Variants in RSF1 observed in about 807,000 individuals in gnomAD.
RSF1 encodes the protein remodeling and spacing factor 1.
A neutral mutation model predicts 145.2 loss-of-function variants in RSF1; 13 were observed. That is an observed-to-expected ratio of 0.09 (90% CI 0.06 to 0.14). RSF1 has a LOEUF of 0.14. RSF1 is among the 10% of genes least tolerant of loss of function. The pLI is 1.00. For missense variants in RSF1, 1,517 were observed against 1,718.2 expected, an observed-to-expected ratio of 0.88 and a Z score of 2.07; for synonymous variants, 577 against 592.6, an observed-to-expected ratio of 0.97 and a Z score of 0.38.
Position 77,667,341 on chromosome 11 carries a change from T to C in RSF1, c.3902A>G (p.His1301Arg). Residue 1301 changes from histidine (H) to arginine (R), a missense_variant, in exon 16 of 16, where the codon CAC (histidine) becomes CGC (arginine). Physicochemically the swap from His to Arg is conservative, Grantham distance 29 (BLOSUM62 0). This residue lies in a region of RSF1 where 240 missense variants were observed against 231.8 expected (regional missense o/e 1.04). Coordinates refer to ENST00000308488, the MANE Select transcript of RSF1 (RefSeq NM_016578.4). ...EEGKPSRKRL[H>R]RIETDEEESC... is the part of the protein sequence containing the mutation. ...CTCCTCCTCATCCGTCTCAATCCGGTGTAGCCGTTTGCGGGATGGTTTGCC... is the reference window on the plus strand; with the variant it reads ...CTCCTCCTCATCCGTCTCAATCCGGCGTAGCCGTTTGCGGGATGGTTTGCC... 1.2e-6 allele frequency: 2 copies of C among 1,614,014 alleles called. No individual in the cohort carries two copies. The highest frequency in any genetic ancestry group is 2.2e-5 in the East Asian group (1 of 44,876).
chr11:77,760,745 T>C (rs1948162533), intron 2 of RSF1, among the ~76,000 whole-genome samples: 1 of 152,166 alleles, frequency 6.6e-6, no homozygotes, highest in African/African-American at 2.4e-5. Flanking sequence ...ACAATGGGCC[T>C]TTCTGAAATT....
chr11:77,679,714 G>A (rs746026249), intron 11 of RSF1, among the ~76,000 whole-genome samples: 2 of 151,402 alleles, frequency 1.3e-5, no homozygotes, highest in Non-Finnish European at 2.9e-5. Context: ...CAATAATAGG[G>A]CTATATTATT....
At chr11:77,830,191 T>TAAG in the RSF1 span, 1 of 152,142 alleles carries the variant, frequency 6.6e-6, no homozygotes, top group South Asian at 2.1e-4. Flanking sequence ...ATACATCCAG[T>TAAG]AAGAGATTCA....
At chr11:77,859,672 A>G in the RSF1 span, among the ~76,000 whole-genome samples, 5 of 152,238 alleles carry the variant, frequency 3.3e-5, no homozygotes, top group African/African-American at 1.2e-4. Context: ...CTACAAAGGA[A>G]CTTCCATCAG....
intron 1 of RSF1, among the ~76,000 whole-genome samples, chr11:77,784,691 T>C (rs1386701525): frequency 6.6e-6 from 1 of 152,212 alleles, no homozygotes; most frequent in African/African-American, 2.4e-5. Context: ...ATTCATCTTA[T>C]CTTTTTAAGG....
At chr11:77,687,008 T>C (rs919308014) in intron 9 of RSF1, among the ~76,000 whole-genome samples, 1 of 152,228 alleles carries the variant, frequency 6.6e-6, no homozygotes, top group Non-Finnish European at 1.5e-5. Context: ...TCTAAGCTGC[T>C]AGGATGAATG....
chr11:77,826,094 C>T, the RSF1 span, among the ~76,000 whole-genome samples: 1 of 152,040 alleles, frequency 6.6e-6, no homozygotes, highest in Admixed American at 6.5e-5. Flanking sequence ...GAAAAATGAG[C>T]GGGTAGCCAG....
intron 2 of RSF1, among the ~76,000 whole-genome samples, chr11:77,758,369 GGTT>G (rs1434059687): frequency 6.6e-6 from 1 of 152,078 alleles, no homozygotes; most frequent in Non-Finnish European, 1.5e-5. Context: ...GATGAACACA[GGTT>G]GTTTCTACCT....
At chr11:77,743,790 C>A (rs1388869769) in intron 3 of RSF1, among the ~76,000 whole-genome samples, 1 of 152,128 alleles carries the variant, frequency 6.6e-6, no homozygotes, top group Non-Finnish European at 1.5e-5. Flanking sequence ...TGTCTTGCTC[C>A]TGATGTTAAA....
rs1244643830 is a variant in RSF1, at chr11:77,666,837, A to T, written c.*80T>A. The T allele has an allele frequency of 8.0e-7, 1 of 1,246,558 alleles. No individual in the cohort carries two copies. The highest frequency in any genetic ancestry group is 1.1e-6 in the Non-Finnish European group (1 of 916,286). 77.2% of individuals were successfully genotyped at this position (1,246,558 alleles called of 1,614,324 possible). A position where few individuals can be genotyped will look rare whatever the true frequency, so the allele number is the denominator to read the frequency against. ...TTCTGTAGTGGAGTTTTCTAGGAAA[A>T]ATTAAACAGCTTTTAATAACTGGCC... On this transcript the variant is annotated 3_prime_UTR_variant, in exon 16 of 16. Transcript: ENST00000308488.
intron 1 of RSF1, among the ~76,000 whole-genome samples, chr11:77,798,385 G>T (rs1385404545): frequency 6.6e-6 from 1 of 151,642 alleles, no homozygotes; most frequent in Non-Finnish European, 1.5e-5. Context: ...AGGAGCTCGA[G>T]ATCAGCCTGG....
In RSF1 at chr11:77,721,983, G is replaced by A. The variant is rs142729522; in HGVS notation, c.733+3562C>T. On this transcript the variant is annotated intron_variant, in intron 5 of 15. Coordinates refer to ENST00000308488, the MANE Select transcript of RSF1 (RefSeq NM_016578.4). ...AAGTCAGGAGTTCGAGACCAGCCTGGGCAACAAAGTGAGACCATGTCTTTA... is the reference window on the plus strand; with the variant it reads ...AAGTCAGGAGTTCGAGACCAGCCTGAGCAACAAAGTGAGACCATGTCTTTA... Among the ~76,000 whole-genome samples, 68 of 152,126 alleles carry A rather than the reference G, an allele frequency of 4.5e-4. 1 individual carries two copies. The highest frequency in any genetic ancestry group is 1.5e-3 in the African/African-American group (64 of 41,496).
At chr11:77,719,012 A>G (rs991963477) in intron 5 of RSF1, among the ~76,000 whole-genome samples, 1 of 151,950 alleles carries the variant, frequency 6.6e-6, no homozygotes, top group African/African-American at 2.4e-5. Flanking sequence ...ATGTTGGGAG[A>G]TGGGGGGGAG....
intron 4 of RSF1, 78 bp downstream of exon 4, chr11:77,740,653 A>C: frequency 7.4e-7 from 1 of 1,354,466 alleles, no homozygotes. Flanking sequence ...TCTGTCTGAT[A>C]GATAACATCC....
At chr11:77,726,921 A>G (rs1427637373) in intron 4 of RSF1, among the ~76,000 whole-genome samples, 1 of 152,208 alleles carries the variant, frequency 6.6e-6, no homozygotes, top group African/African-American at 2.4e-5. Context: ...TTATTTATAA[A>G]ATAAAAGAAC....
At chr11:77,777,569 G>A (rs1948355275) in intron 1 of RSF1, among the ~76,000 whole-genome samples, 1 of 151,952 alleles carries the variant, frequency 6.6e-6, no homozygotes, top group African/African-American at 2.4e-5. Context: ...CTCCAGCCTG[G>A]GCAACAAGAG....
chr11:77,737,210 G>T (rs1961375396), intron 4 of RSF1, among the ~76,000 whole-genome samples: 1 of 152,160 alleles, frequency 6.6e-6, no homozygotes, highest in Non-Finnish European at 1.5e-5. Flanking sequence ...CACTTTGGGA[G>T]GCCACAGCAA....
At chr11:77,720,275 T>C (rs1244450000) in intron 5 of RSF1, among the ~76,000 whole-genome samples, 2 of 152,252 alleles carry the variant, frequency 1.3e-5, no homozygotes, top group Admixed American at 6.5e-5. Context: ...ACTGTAAAAA[T>C]TTAAAAAAGG....
At chr11:77,778,482 A>C (rs2135953823) in intron 1 of RSF1, among the ~76,000 whole-genome samples, 1 of 152,222 alleles carries the variant, frequency 6.6e-6, no homozygotes, top group African/African-American at 2.4e-5. Flanking sequence ...AACTTTTTTT[A>C]ATCAACTATT....
Sources: gnomAD v4.1 joint callset for allele counts (sites outside exome capture counted in the v4.1 genomes callset) on GRCh38, gnomAD v4.1.1 for gene constraint, gnomAD v4.1.1 regional missense constraint, MANE v1.5 for transcripts, NCBI Gene and HGNC (gene_info 2026-07-23, HGNC 2026-07-21) for gene names.